KDM4C: variants seen among roughly 807,000 people sequenced by gnomAD.
The protein encoded by KDM4C is lysine demethylase 4C.
A neutral mutation model predicts 129.3 loss-of-function variants in KDM4C; 81 were observed. The observed-to-expected ratio is 0.63, with a 90% CI of 0.52 to 0.75. The LOEUF is 0.75. Ranked by LOEUF, KDM4C falls within the 30% of genes least tolerant of loss-of-function variation. The probability of loss-of-function intolerance (pLI) is 0.00; values close to 1 mark genes in which losing one functional copy is unlikely to be tolerated. For missense variants in KDM4C, 1,457 were observed against 1,304.0 expected, an observed-to-expected ratio of 1.12 and a Z score of -1.81; for synonymous variants, 573 against 456.1, an observed-to-expected ratio of 1.26 and a Z score of -3.26.
At chr9:6,856,366 G>T (rs1839804405) in intron 5 of KDM4C, among the ~76,000 whole-genome samples, 1 of 151,934 alleles carries the variant, frequency 6.6e-6, no homozygotes, top group Admixed American at 6.6e-5. Flanking sequence ...TTGCTATTTT[G>T]TCTAGAAAAA....
intron 8 of KDM4C, among the ~76,000 whole-genome samples, chr9:6,930,050 C>T (rs1485881711): frequency 1.3e-5 from 2 of 152,096 alleles, no homozygotes; most frequent in Non-Finnish European, 2.9e-5. Flanking sequence ...GAATGTGATG[C>T]ATTTGATTTA....
intron 19 of KDM4C, 52 bp downstream of exon 19, chr9:7,128,288 A>G (rs78281462): frequency 6.6e-6 from 9 of 1,358,316 alleles, no homozygotes; most frequent in Non-Finnish European, 7.8e-6. Context: ...AAAAAAAAAA[A>G]CCAAAGTAAC....
intron 2 of KDM4C, 142 bp downstream of exon 2, chr9:6,793,274 A>AAGAAATCAAATG: frequency 2.7e-6 from 2 of 750,396 alleles, no homozygotes; most frequent in Non-Finnish European, 4.3e-6. Flanking sequence ...GAAACATTTG[A>AAGAAATCAAATG]TTTCTTCAAA....
intron 5 of KDM4C, among the ~76,000 whole-genome samples, chr9:6,861,239 A>G (rs567526856): frequency 2.6e-5 from 4 of 152,186 alleles, no homozygotes; most frequent in Non-Finnish European, 5.9e-5. Flanking sequence ...TAATTTGTGT[A>G]TTTTGGTCTT....
chr9:6,869,519 A>G (rs1842543534), intron 5 of KDM4C, among the ~76,000 whole-genome samples: 1 of 152,258 alleles, frequency 6.6e-6, no homozygotes. Flanking sequence ...TGCTCCAGGA[A>G]TAATACTGCT....
intron 19 of KDM4C, among the ~76,000 whole-genome samples, chr9:7,142,475 A>C (rs980015052): frequency 2.0e-5 from 3 of 152,126 alleles, no homozygotes; most frequent in African/African-American, 4.8e-5. Flanking sequence ...ATCATGAACC[A>C]GTGTAGAGGC....
At chr9:7,034,299 G>A (rs1412511724) in intron 15 of KDM4C, among the ~76,000 whole-genome samples, 1 of 152,158 alleles carries the variant, frequency 6.6e-6, no homozygotes, top group African/African-American at 2.4e-5. Flanking sequence ...CAGAAATATA[G>A]AACTTAGTCC....
intron 4 of KDM4C, among the ~76,000 whole-genome samples, chr9:6,827,746 C>G (rs1051728706): frequency 1.1e-4 from 16 of 152,200 alleles, no homozygotes; most frequent in African/African-American, 3.6e-4. Context: ...AAGATGTCAT[C>G]CTAGACAGGT....
rs144631628 is a variant in KDM4C at position 7,128,186 on chromosome 9, A to G, written c.2731A>G (p.Met911Val). ...AVTSQTFYEVMFDDGSFSRDT... is the reference protein window; with the variant it reads ...AVTSQTFYEVVFDDGSFSRDT... ...GACATCGCAGACCTTCTATGAGGTCATGTTTGATGATGGCTCCTTTAGCAG... is the reference window on the plus strand; with the variant it reads ...GACATCGCAGACCTTCTATGAGGTCGTGTTTGATGATGGCTCCTTTAGCAG... Residue 911 changes from methionine (M) to valine (V), a missense_variant, in exon 19 of 22, where the codon ATG (methionine) becomes GTG (valine). Coordinates refer to ENST00000381309, the MANE Select transcript of KDM4C (RefSeq NM_015061.6). 1.2e-6 allele frequency: 2 copies of G among 1,610,196 alleles called. No individual in the cohort carries two copies. The highest frequency in any genetic ancestry group is 1.7e-6 in the Non-Finnish European group (2 of 1,178,384).
At chr9:6,899,542 GGTGTGTGTGTGTGTGT>G (rs61209400) in intron 8 of KDM4C, among the ~76,000 whole-genome samples, 1 of 150,054 alleles carries the variant, frequency 6.7e-6, no homozygotes, top group Non-Finnish European at 1.5e-5. Flanking sequence ...TTTCCATGGG[GGTGTGTGTGTGTGTGT>G]GTGTGTGTGT....
At chr9:6,725,778 C>T (rs1224369144) in intron 1 of KDM4C, among the ~76,000 whole-genome samples, 9 of 141,622 alleles carry the variant, frequency 6.4e-5, no homozygotes, top group African/African-American at 1.1e-4. Context: ...GGTGCGATCT[C>T]GGCTCACTGC....
Position 6,986,530 on chromosome 9 carries a change from G to C in KDM4C, c.1541G>C (p.Cys514Ser), listed in dbSNP as rs778989575. 1 of 1,614,152 alleles carries C rather than the reference G, an allele frequency of 6.2e-7. No homozygotes were observed. Among genetic ancestry groups the C allele is most frequent in the Non-Finnish European group, 8.5e-7 (1 of 1,180,032 alleles). Residue 514 changes from cysteine to serine, a missense_variant, in exon 11 of 22, where the codon TGC becomes TCC. Physicochemically the swap from Cys to Ser is moderately radical, Grantham distance 112. Coordinates refer to ENST00000381309, the MANE Select transcript of KDM4C (RefSeq NM_015061.6). ...ELSWPKSPES[C>S]SSVAESNGVL... ...TCATGGCCAAAGTCACCTGAGTCATGCTCATCAGTGGCAGAGAGTAATGGT... is the reference window on the plus strand; with the variant it reads ...TCATGGCCAAAGTCACCTGAGTCATCCTCATCAGTGGCAGAGAGTAATGGT...
At chr9:7,152,507 A>T (rs772085103) in intron 19 of KDM4C, among the ~76,000 whole-genome samples, 3 of 152,224 alleles carry the variant, frequency 2.0e-5, no homozygotes, top group Non-Finnish European at 4.4e-5. Flanking sequence ...AAATTCTCAG[A>T]GACAGAAAGG....
intron 8 of KDM4C, among the ~76,000 whole-genome samples, chr9:6,961,467 C>T (rs143507724): frequency 6.6e-5 from 10 of 152,220 alleles, no homozygotes; most frequent in African/African-American, 1.9e-4. Flanking sequence ...GTTGTATAAA[C>T]TGTCAGAAAA....
intron 18 of KDM4C, among the ~76,000 whole-genome samples, chr9:7,116,519 C>G (rs571493775): frequency 1.3e-5 from 2 of 152,228 alleles, no homozygotes; most frequent in African/African-American, 4.8e-5. Flanking sequence ...CATCCTGCCC[C>G]CACGTGAACC....
chr9:7,015,243 T>A (rs1823447258), intron 14 of KDM4C, among the ~76,000 whole-genome samples: 1 of 152,184 alleles, frequency 6.6e-6, no homozygotes, highest in South Asian at 2.1e-4. Context: ...ATATTAAAAA[T>A]TACTCATTTA....
chr9:6,880,263 A>G (rs10975870), intron 6 of KDM4C, among the ~76,000 whole-genome samples: 30,840 of 151,466 alleles, frequency 0.2, 3,962 homozygotes, highest in Middle Eastern at 0.39. Context: ...TTTTTTCCCT[A>G]TTGCATAATC....
intron 3 of KDM4C, among the ~76,000 whole-genome samples, chr9:6,810,159 A>G (rs1410788336): frequency 6.6e-6 from 1 of 152,144 alleles, no homozygotes; most frequent in Admixed American, 6.5e-5. Context: ...CCATTTGATT[A>G]TTTCAGCATG....
intron 8 of KDM4C, among the ~76,000 whole-genome samples, chr9:6,936,423 T>G (rs930709649): frequency 1.3e-5 from 2 of 152,230 alleles, no homozygotes; most frequent in Non-Finnish European, 2.9e-5. Context: ...ATATATACAT[T>G]TATAGGTAAC....
Sources: gnomAD v4.1 joint callset for allele counts (sites outside exome capture counted in the v4.1 genomes callset) on GRCh38, gnomAD v4.1.1 for gene constraint, MANE v1.5 for transcripts, NCBI Gene and HGNC (gene_info 2026-07-23, HGNC 2026-07-21) for gene names.